The following CDH13 variants were observed in gnomAD, a reference collection of about 807,000 sequenced individuals.
CDH13 encodes cadherin 13, also known as cadherin-13.
A neutral mutation model predicts 63.8 loss-of-function variants in CDH13; 24 were observed. The observed-to-expected ratio is 0.38, with a 90% CI of 0.27 to 0.53. The LOEUF is 0.53. CDH13 is among the 20% of genes least tolerant of loss of function. CDH13 has a pLI of 0.85. For synonymous variants in CDH13, 503 were observed against 355.3 expected (o/e 1.42, Z -4.67); for missense variants, 1,049 against 903.1 (o/e 1.16, Z -2.07).
At chr16:83,636,929 T>C (rs1002084545) in intron 8 of CDH13, among the ~76,000 whole-genome samples, 3 of 152,194 alleles carry the variant, frequency 2.0e-5, no homozygotes, top group Non-Finnish European at 4.4e-5. Flanking sequence ...CTGTAATTTT[T>C]TGACTTTTGA....
At chr16:82,667,388 G>A (rs1343735367) in intron 1 of CDH13, among the ~76,000 whole-genome samples, 1 of 152,202 alleles carries the variant, frequency 6.6e-6, no homozygotes, top group Non-Finnish European at 1.5e-5. Flanking sequence ...GGTTTGTAGA[G>A]CTTTGTCCCT....
chr16:83,137,098 G>T (rs978134021), intron 4 of CDH13, among the ~76,000 whole-genome samples: 1 of 152,238 alleles, frequency 6.6e-6, no homozygotes, highest in Non-Finnish European at 1.5e-5. Flanking sequence ...AGCTACGCTT[G>T]AGTGAAGCCC....
At chr16:83,326,172 G>A (rs181549728) in intron 5 of CDH13, among the ~76,000 whole-genome samples, 1 of 152,230 alleles carries the variant, frequency 6.6e-6, no homozygotes, top group Admixed American at 6.5e-5. Context: ...TCCAGAACAT[G>A]AGATTTTTTT....
intron 2 of CDH13, among the ~76,000 whole-genome samples, chr16:82,947,004 C>CTGTG (rs3223223): frequency 0.11 from 15,470 of 134,842 alleles, 887 homozygotes; most frequent in Middle Eastern, 0.17. Flanking sequence ...GTGCGCACGC[C>CTGTG]TGTGTGTGTG....
At chr16:83,425,344 C>T (rs896299567) in intron 6 of CDH13, among the ~76,000 whole-genome samples, 6 of 152,206 alleles carry the variant, frequency 3.9e-5, no homozygotes, top group Admixed American at 6.5e-5. Flanking sequence ...TTGCCTGAAG[C>T]AATCGAGGAA....
intron 1 of CDH13, among the ~76,000 whole-genome samples, chr16:82,741,974 T>C (rs1238965078): frequency 6.6e-6 from 1 of 152,168 alleles, no homozygotes; most frequent in South Asian, 2.1e-4. Context: ...AAAAATTACA[T>C]AGGATTGCTG....
chr16:83,388,335 C>G (rs1049872610), intron 6 of CDH13, among the ~76,000 whole-genome samples: 3 of 151,504 alleles, frequency 2.0e-5, no homozygotes, highest in South Asian at 2.1e-4. Context: ...TGCCTGTAGT[C>G]CCAACTACTT....
At position 83,500,314 on chromosome 16, in the gene CDH13, CCTT is replaced by C. The variant is rs1261850609; in HGVS notation, c.960+13662_960+13664del. Among the ~76,000 whole-genome samples the C allele has an allele frequency of 2.7e-3, 4 of 1,500 alleles. 2 individuals are homozygous for C. Among genetic ancestry groups the C allele is most frequent in the Non-Finnish European group, 7.3e-3 (2 of 274 alleles). The allele number at this position is 1,500 out of a possible 152,430, so 1.0% of individuals were successfully genotyped here. A position where few individuals can be genotyped will look rare whatever the true frequency, so the allele number is the denominator to read the frequency against. The stretch of plus-strand genomic sequence containing the variant: ...TTCTTCTCCTTCTCCTTCTCCTTCT[CCTT>C]CTCCTCCTCCTCCTCCTCCTCCTCC... On this transcript the variant is annotated intron_variant, in intron 7 of 13. Coordinates refer to ENST00000567109, the MANE Select transcript of CDH13 (RefSeq NM_001257.5).
chr16:83,660,502 A>G (rs1913338551), intron 8 of CDH13, among the ~76,000 whole-genome samples: 1 of 152,194 alleles, frequency 6.6e-6, no homozygotes, highest in Non-Finnish European at 1.5e-5. Flanking sequence ...CCGTAAATAC[A>G]GATGAAGTTT....
intron 5 of CDH13, among the ~76,000 whole-genome samples, chr16:83,319,105 A>G (rs2090167349): frequency 6.6e-6 from 1 of 152,044 alleles, no homozygotes; most frequent in Admixed American, 6.6e-5. Context: ...AGGATGAGTA[A>G]AAGTTCTTTG....
chr16:83,442,787 T>C (rs1168792232), intron 6 of CDH13, among the ~76,000 whole-genome samples: 2 of 152,242 alleles, frequency 1.3e-5, no homozygotes, highest in African/African-American at 4.8e-5. Flanking sequence ...AGATGTAAAA[T>C]GTTTATAAAT....
chr16:83,173,506 G>T (rs2038006795), intron 4 of CDH13, among the ~76,000 whole-genome samples: 1 of 151,978 alleles, frequency 6.6e-6, no homozygotes, highest in African/African-American at 2.4e-5. Flanking sequence ...AGACTTGCCA[G>T]ACAAAATACA....
At chr16:83,281,050 C>G (rs1429902289) in intron 5 of CDH13, among the ~76,000 whole-genome samples, 1 of 152,150 alleles carries the variant, frequency 6.6e-6, no homozygotes, top group Admixed American at 6.6e-5. Flanking sequence ...GAGAGTCTGC[C>G]TATTCTTTGA....
At chr16:82,853,951 G>T (rs2039590891) in intron 1 of CDH13, among the ~76,000 whole-genome samples, 1 of 152,208 alleles carries the variant, frequency 6.6e-6, no homozygotes, top group African/African-American at 2.4e-5. Flanking sequence ...GGCTTGCCTG[G>T]TTTTGGAGTA....
chr16:82,877,528 A>T (rs141347769), intron 2 of CDH13, among the ~76,000 whole-genome samples: 11 of 152,320 alleles, frequency 7.2e-5, no homozygotes, highest in Non-Finnish European at 1.5e-4. Flanking sequence ...AGCATTTCCC[A>T]AACTTCTGTC....
At chr16:83,756,828 T>C (rs1483032985) in intron 11 of CDH13, among the ~76,000 whole-genome samples, 1 of 152,200 alleles carries the variant, frequency 6.6e-6, no homozygotes, top group Non-Finnish European at 1.5e-5. Context: ...TAGACAAATC[T>C]ACAATCATTG....
chr16:82,810,131 C>A (rs1212258901), intron 1 of CDH13, among the ~76,000 whole-genome samples: 1 of 152,188 alleles, frequency 6.6e-6, no homozygotes, highest in African/African-American at 2.4e-5. Context: ...TTTTCTGCTT[C>A]AAGGTAAGGA....
At chr16:83,568,623 G>T (rs62040170) in intron 7 of CDH13, among the ~76,000 whole-genome samples, 14,467 of 152,144 alleles carry the variant, frequency 0.095, 1,040 homozygotes, top group African/African-American at 0.19. Context: ...TCAACTAAGG[G>T]CACCAACAAT....
intron 2 of CDH13, among the ~76,000 whole-genome samples, chr16:82,876,119 C>T (rs1435173541): frequency 1.3e-5 from 2 of 152,208 alleles, no homozygotes; most frequent in East Asian, 1.9e-4. Context: ...CAGTCACTTC[C>T]TACCGGTCCC....
Sources: gnomAD v4.1 joint callset for allele counts (sites outside exome capture counted in the v4.1 genomes callset) on GRCh38, gnomAD v4.1.1 for gene constraint, MANE v1.5 for transcripts, NCBI Gene and HGNC (gene_info 2026-07-23, HGNC 2026-07-21) for gene names.